RPS6KC1: variants seen among roughly 807,000 people sequenced by gnomAD.
RPS6KC1 encodes inactive ribosomal protein S6 kinase delta-1.
A neutral mutation model predicts 103.8 loss-of-function variants in RPS6KC1; 54 were observed. The ratio of observed to expected loss-of-function variants is 0.52; its 90% CI spans 0.42 to 0.65. The LOEUF is 0.65. Among genes scored for constraint, RPS6KC1 ranks in the 30% least tolerant of loss-of-function variants. The pLI is 0.00. For synonymous variants in RPS6KC1, 439 were observed against 438.7 expected (o/e 1.00, Z -0.01); for missense variants, 1,151 against 1,253.8 (o/e 0.92, Z 1.24).
the RPS6KC1 span, among the ~76,000 whole-genome samples, chr1:213,514,564 A>C: frequency 1.3e-5 from 2 of 151,814 alleles, no homozygotes; most frequent in Admixed American, 6.6e-5. Flanking sequence ...TGAACTCATC[A>C]TTTTTTATGG....
At chr1:213,462,880 T>G in the RPS6KC1 span, among the ~76,000 whole-genome samples, 1 of 152,132 alleles carries the variant, frequency 6.6e-6, no homozygotes, top group Non-Finnish European at 1.5e-5. Context: ...GGCACATATA[T>G]CCCAGAACTT....
At chr1:213,846,963 C>G in the RPS6KC1 span, among the ~76,000 whole-genome samples, 7 of 152,216 alleles carry the variant, frequency 4.6e-5, no homozygotes, top group South Asian at 1.0e-3. Context: ...ATACTTCACC[C>G]CCAAATGCTG....
At chr1:213,610,664 C>T in the RPS6KC1 span, among the ~76,000 whole-genome samples, 1 of 152,188 alleles carries the variant, frequency 6.6e-6, no homozygotes, top group African/African-American at 2.4e-5. Context: ...TAGTCTGGAA[C>T]ACACTCCCCA....
the RPS6KC1 span, among the ~76,000 whole-genome samples, chr1:213,425,863 C>T: frequency 5.9e-5 from 9 of 151,968 alleles, no homozygotes; most frequent in Non-Finnish European, 1.2e-4. Context: ...GTGGCCGGGG[C>T]GGATGCTGAA....
chr1:213,174,271 A>G (rs2091696236), intron 7 of RPS6KC1, among the ~76,000 whole-genome samples: 1 of 152,188 alleles, frequency 6.6e-6, no homozygotes, highest in East Asian at 1.9e-4. Flanking sequence ...GAATCCCTTT[A>G]TTCATCTGTA....
the RPS6KC1 span, among the ~76,000 whole-genome samples, chr1:213,507,404 G>A: frequency 2.0e-5 from 3 of 152,154 alleles, no homozygotes; most frequent in African/African-American, 7.2e-5. Flanking sequence ...GTTGACCTGG[G>A]TAGAGGTAAA....
intron 1 of RPS6KC1, among the ~76,000 whole-genome samples, chr1:213,056,827 T>G (rs2077365227): frequency 6.6e-6 from 1 of 151,946 alleles, no homozygotes; most frequent in East Asian, 1.9e-4. Context: ...TCATCTCAGG[T>G]GTCAGCTATA....
the RPS6KC1 span, among the ~76,000 whole-genome samples, chr1:213,316,700 A>AGT: frequency 0.062 from 8,889 of 144,374 alleles, 265 homozygotes; most frequent in East Asian, 0.071. Flanking sequence ...TAGGGCATGC[A>AGT]GTGTGTGTGT....
intron 7 of RPS6KC1, among the ~76,000 whole-genome samples, chr1:213,173,369 C>G (rs1256490810): frequency 6.6e-6 from 1 of 152,216 alleles, no homozygotes; most frequent in Non-Finnish European, 1.5e-5. Flanking sequence ...CCTGTCTTTG[C>G]AAGAGTAACC....
the RPS6KC1 span, among the ~76,000 whole-genome samples, chr1:213,665,172 A>G: frequency 2.0e-5 from 3 of 151,610 alleles, no homozygotes; most frequent in Admixed American, 6.6e-5. Context: ...GGAACATCTT[A>G]ATAAATAAAA....
rs538596371 is a variant in RPS6KC1 at position 213,274,589 on chromosome 1, A to G, written c.*1955A>G. The G allele has an allele frequency of 6.6e-6, 1 of 152,312 alleles. No individual in the cohort carries two copies. Among genetic ancestry groups the G allele is most frequent in the East Asian group, 1.9e-4 (1 of 5,180 alleles). The allele number at this position is 152,312 out of a possible 1,614,324, so 9.4% of individuals were successfully genotyped here. On this transcript the variant is annotated 3_prime_UTR_variant, in exon 15 of 15. Transcript: ENST00000366960. ...AGAATGGACATTAATTATTTTAGTA[A>G]TAAACACAGGATAAATAGCTTTGGG... is the stretch of plus-strand genomic sequence containing the variant.
At chr1:213,224,084 A>C (rs2093902505) in intron 8 of RPS6KC1, among the ~76,000 whole-genome samples, 1 of 152,200 alleles carries the variant, frequency 6.6e-6, no homozygotes. Flanking sequence ...TAGTGCCTTC[A>C]TAGTAGCATA....
chr1:213,257,550 A>G (rs1194029267), intron 12 of RPS6KC1, among the ~76,000 whole-genome samples: 1 of 152,212 alleles, frequency 6.6e-6, no homozygotes, highest in African/African-American at 2.4e-5. Context: ...AAGTTCTTCC[A>G]TAAGGTTGCT....
intron 6 of RPS6KC1, among the ~76,000 whole-genome samples, chr1:213,158,216 T>C (rs1007512258): frequency 6.6e-5 from 10 of 152,254 alleles, no homozygotes; most frequent in Admixed American, 6.5e-4. Flanking sequence ...TTAAATACAT[T>C]TGTAGCTGTG....
the RPS6KC1 span, among the ~76,000 whole-genome samples, chr1:213,449,287 G>C: frequency 1.3e-5 from 2 of 151,422 alleles, no homozygotes; most frequent in Non-Finnish European, 2.9e-5. Context: ...ATATGCTATT[G>C]TGTTAATCTG....
At chr1:213,543,352 A>G in the RPS6KC1 span, among the ~76,000 whole-genome samples, 3 of 152,196 alleles carry the variant, frequency 2.0e-5, no homozygotes, top group Non-Finnish European at 4.4e-5. Flanking sequence ...TAGAGGCAAC[A>G]GGGGAGGAGG....
chr1:213,504,813 T>G, the RPS6KC1 span, among the ~76,000 whole-genome samples: 1 of 152,226 alleles, frequency 6.6e-6, no homozygotes, highest in Non-Finnish European at 1.5e-5. Context: ...AATCTTCTAA[T>G]AATCTTTAGA....
At chr1:213,256,357 AG>A (rs199544774) in intron 12 of RPS6KC1, among the ~76,000 whole-genome samples, 4,603 of 152,268 alleles carry the variant, frequency 0.03, 99 homozygotes, top group Non-Finnish European at 0.049. Context: ...AAGTGTCTCC[AG>A]CAGTTATCTC....
At chr1:213,683,670 G>A in the RPS6KC1 span, among the ~76,000 whole-genome samples, 105 of 152,228 alleles carry the variant, frequency 6.9e-4, no homozygotes, top group African/African-American at 1.9e-3. Flanking sequence ...CTAACTGTCC[G>A]AGTTCCACCT....
Sources: allele counts gnomAD v4.1 joint callset (sites outside exome capture counted in the v4.1 genomes callset), GRCh38; gene constraint gnomAD v4.1.1; transcripts MANE v1.5; gene names NCBI Gene and HGNC (gene_info 2026-07-23, HGNC 2026-07-21).